ST6GAL2: variants seen among roughly 807,000 people sequenced by gnomAD.
The protein encoded by ST6GAL2 is ST6 beta-galactoside alpha-2,6-sialyltransferase 2, also known as beta-galactoside alpha-2,6-sialyltransferase 2.
ST6GAL2 carries 24 observed loss-of-function variants against 37.5 expected under a neutral mutation model. The observed-to-expected ratio is 0.64, with a 90% CI of 0.46 to 0.90. ST6GAL2 has a LOEUF of 0.90. Among genes scored for constraint, ST6GAL2 ranks in the 40% least tolerant of loss-of-function variants. The pLI, the probability that ST6GAL2 is intolerant of heterozygous loss-of-function variation, is 0.00. For missense variants in ST6GAL2, 715 were observed against 712.7 expected (o/e 1.00, Z -0.04); for synonymous variants, 306 against 295.1 (o/e 1.04, Z -0.38).
rs570828111 is a variant in ST6GAL2 at position 106,843,514 on chromosome 2, T to G, written c.464A>C (p.Glu155Ala). 6.2e-7 allele frequency: 1 copy of G among 1,613,918 alleles called. No homozygotes were observed. The highest frequency in any genetic ancestry group is 1.1e-5 in the South Asian group (1 of 91,074). ...QGTLGFPSPGEPGPREGAFPA... is the reference protein window; with the variant it reads ...QGTLGFPSPGAPGPREGAFPA... ...AAAAGCCCCCTCCCGTGGGCCTGGC[T>G]CCCCGGGGGAAGGGAATCCCAATGT... The change falls in exon 2 of 6, where the codon GAG (glutamate) becomes GCG (alanine). Residue 155 changes from glutamate (E) to alanine (A), a missense_variant. By Grantham distance (107) the Glu-to-Ala change is moderately radical. This residue lies in a region of ST6GAL2 where 512 missense variants were observed against 488.8 expected (regional missense o/e 1.05). Transcript: ENST00000409382.
At chr2:106,812,803 T>C (rs1428968587) in intron 5 of ST6GAL2, among the ~76,000 whole-genome samples, 1 of 152,248 alleles carries the variant, frequency 6.6e-6, no homozygotes, top group Non-Finnish European at 1.5e-5. Flanking sequence ...TCCTCTCTTA[T>C]GTCTGCTCAG....
chr2:106,806,394 C>T lies in ST6GAL2; in HGVS notation c.*284G>A, dbSNP rs899341670. The T allele has an allele frequency of 2.9e-6, 1 of 342,714 alleles. No individual in the cohort carries two copies. The highest frequency in any genetic ancestry group is 5.3e-6 in the Non-Finnish European group (1 of 187,996). The allele number at this position is 342,714 out of a possible 1,614,324, so 21.2% of individuals were successfully genotyped here. A position where few individuals can be genotyped will look rare whatever the true frequency, so the allele number is the denominator to read the frequency against. On this transcript the variant is annotated 3_prime_UTR_variant, in exon 6 of 6. Transcript: ENST00000409382. The stretch of plus-strand genomic sequence containing the variant: ...TCATGGCAGAAGAATAAGTTGTTAA[C>T]ATTTCTGGAGGTATCATACCCATGG...
chr2:106,839,584 T>A (rs1026976048), intron 2 of ST6GAL2, among the ~76,000 whole-genome samples: 3 of 152,164 alleles, frequency 2.0e-5, no homozygotes, highest in Non-Finnish European at 1.5e-5. Flanking sequence ...CTTGCTTTTT[T>A]AAAAGGTAAC....
chr2:106,862,875 T>C (rs1193821718), intron 1 of ST6GAL2, among the ~76,000 whole-genome samples: 2 of 151,980 alleles, frequency 1.3e-5, no homozygotes, highest in East Asian at 2.0e-4. Flanking sequence ...AAACAAGTCA[T>C]TGAGCTATTT....
intron 5 of ST6GAL2, among the ~76,000 whole-genome samples, chr2:106,807,508 A>G (rs1004142573): frequency 3.9e-5 from 6 of 152,240 alleles, no homozygotes; most frequent in African/African-American, 1.4e-4. Context: ...TTAAAGCGAC[A>G]GAGTTTAAGA....
At chr2:106,812,438 C>T (rs1675644812) in intron 5 of ST6GAL2, among the ~76,000 whole-genome samples, 1 of 152,210 alleles carries the variant, frequency 6.6e-6, no homozygotes, top group African/African-American at 2.4e-5. Flanking sequence ...GTCATGTCAG[C>T]AGTCTCTGCC....
intron 1 of ST6GAL2, among the ~76,000 whole-genome samples, chr2:106,880,410 G>C (rs1243324945): frequency 6.6e-6 from 1 of 152,164 alleles, no homozygotes; most frequent in Non-Finnish European, 1.5e-5. Context: ...CATCAGCCTG[G>C]GGCCAGGTTC....
chr2:106,862,295 C>T (rs181406532), intron 1 of ST6GAL2, among the ~76,000 whole-genome samples: 2 of 152,196 alleles, frequency 1.3e-5, no homozygotes, highest in East Asian at 3.9e-4. Context: ...TTTTTCTTTG[C>T]TCTACAAATG....
intron 1 of ST6GAL2, among the ~76,000 whole-genome samples, chr2:106,876,105 T>G (rs1678492930): frequency 6.6e-6 from 1 of 152,138 alleles, no homozygotes; most frequent in South Asian, 2.1e-4. Flanking sequence ...AAGCTGAGAT[T>G]AAAAGTGCAA....
At chr2:106,876,952 A>G (rs1678529640) in intron 1 of ST6GAL2, among the ~76,000 whole-genome samples, 1 of 152,160 alleles carries the variant, frequency 6.6e-6, no homozygotes, top group Non-Finnish European at 1.5e-5. Context: ...AATGAGGAAG[A>G]GAAACGTTCA....
intron 2 of ST6GAL2, among the ~76,000 whole-genome samples, chr2:106,842,477 C>T (rs1676928011): frequency 3.3e-5 from 5 of 152,178 alleles, no homozygotes; most frequent in Admixed American, 3.3e-4. Flanking sequence ...GAAAGATGTT[C>T]CCAACAGCAG....
chr2:106,802,622 C>T lies in ST6GAL2; in HGVS notation c.*4056G>A, dbSNP rs1359541416. 3 of 152,096 alleles carry T rather than the reference C, an allele frequency of 2.0e-5. No homozygotes were observed. The highest frequency in any genetic ancestry group is 7.2e-5 in the African/African-American group (3 of 41,402). 9.4% of individuals were successfully genotyped at this position (152,096 alleles called of 1,614,324 possible). ...TCCAGAGATAAAAGACAAGTTGAAA[C>T]TCAGGGACATTTTACCCAAGCAATT... is the stretch of plus-strand genomic sequence containing the variant. On this transcript the variant is annotated 3_prime_UTR_variant, in exon 6 of 6. Transcript: ENST00000409382.
intron 5 of ST6GAL2, among the ~76,000 whole-genome samples, chr2:106,825,911 G>C (rs6720256): frequency 6.6e-6 from 1 of 152,004 alleles, no homozygotes; most frequent in Non-Finnish European, 1.5e-5. Context: ...ACCACCTTTC[G>C]CCTATATGAA....
intron 5 of ST6GAL2, among the ~76,000 whole-genome samples, chr2:106,809,853 TA>T (rs1351317661): frequency 1.3e-5 from 2 of 152,218 alleles, no homozygotes; most frequent in African/African-American, 4.8e-5. Context: ...ATAAGGTGTC[TA>T]AATCCTTCCA....
intron 2 of ST6GAL2, chr2:106,834,515 T>C (rs913612668): frequency 6.8e-5 from 11 of 161,482 alleles, no homozygotes; most frequent in African/African-American, 1.9e-4. Flanking sequence ...ATAAAGACAC[T>C]AGAAAGCAAG....
At chr2:106,807,022 G>T in intron 5 of ST6GAL2, 73 bp from the exon 6 acceptor site, 1 of 1,349,642 alleles carries the variant, frequency 7.4e-7, no homozygotes, top group Non-Finnish European at 1.0e-6. Flanking sequence ...TGGGGGAGGG[G>T]TGGTGGTGAT....
chr2:106,833,258 A>C (rs1269890094), intron 3 of ST6GAL2, among the ~76,000 whole-genome samples: 1 of 151,972 alleles, frequency 6.6e-6, no homozygotes, highest in Non-Finnish European at 1.5e-5. Flanking sequence ...GTTAGAATGT[A>C]TGTTACAGAT....
chr2:106,857,212 A>T (rs1489311564), intron 1 of ST6GAL2, among the ~76,000 whole-genome samples: 1 of 152,202 alleles, frequency 6.6e-6, no homozygotes, highest in Non-Finnish European at 1.5e-5. Flanking sequence ...TTATGATGGG[A>T]TACATTATCC....
rs191855311 is a variant in ST6GAL2 at position 106,830,034 on chromosome 2, C to T, written c.1318+32G>A. The T allele has an allele frequency of 6.4e-3, 10,170 of 1,600,190 alleles. 36 individuals are homozygous for T. Among genetic ancestry groups the T allele is most frequent in the Middle Eastern group, 0.015 (92 of 6,024 alleles). ...TATTAGATATCATCCTGTCTGCCCCCCAATCATTCCAATTTTTAACATAAC... is the reference window on the plus strand; with the variant it reads ...TATTAGATATCATCCTGTCTGCCCCTCAATCATTCCAATTTTTAACATAAC... On this transcript the variant is annotated intron_variant, in intron 5 of 5. Coordinates refer to ENST00000409382, the MANE Select transcript of ST6GAL2 (RefSeq NM_001142351.2).
Sources: gnomAD v4.1 joint callset for allele counts (sites outside exome capture counted in the v4.1 genomes callset) on GRCh38, gnomAD v4.1.1 for gene constraint, gnomAD v4.1.1 regional missense constraint, MANE v1.5 for transcripts, NCBI Gene and HGNC (gene_info 2026-07-23, HGNC 2026-07-21) for gene names.